PARP4: variants seen among roughly 807,000 people sequenced by gnomAD.
PARP4 encodes protein mono-ADP-ribosyltransferase PARP4.
Under a neutral mutation model 187.7 loss-of-function variants are expected in PARP4, and 120 were observed. The observed-to-expected ratio is 0.64, with a 90% CI of 0.55 to 0.74. The LOEUF is 0.74. Ranked by LOEUF, PARP4 falls within the 30% of genes least tolerant of loss-of-function variation. The pLI is 0.00. For missense variants in PARP4, 1,836 were observed against 2,070.5 expected (o/e 0.89, Z 2.20); for synonymous variants, 654 against 740.9 (o/e 0.88, Z 1.90).
chr13:24,456,297 T>G (rs776169411), intron 21 of PARP4, 44 bp downstream of exon 21: 1 of 1,488,932 alleles, frequency 6.7e-7, no homozygotes, highest in South Asian at 1.3e-5. Flanking sequence ...TTCTGAAACA[T>G]TTTTTCAATA....
At chr13:24,432,045 A>G (rs961695088) in intron 31 of PARP4, among the ~76,000 whole-genome samples, 2 of 152,086 alleles carry the variant, frequency 1.3e-5, no homozygotes, top group African/African-American at 4.8e-5. Context: ...TTTAAATGGT[A>G]CTTTTTTCCT....
chr13:24,457,770 C>CAAAAAAAAAA (rs33930012), intron 20 of PARP4, among the ~76,000 whole-genome samples: 17 of 85,664 alleles, frequency 2.0e-4, no homozygotes, highest in South Asian at 7.4e-4. Context: ...GACTCTGTCT[C>CAAAAAAAAAA]AAAAAAAAAA....
chr13:24,451,791 G>C (rs1871533455), intron 24 of PARP4, among the ~76,000 whole-genome samples: 1 of 152,202 alleles, frequency 6.6e-6, no homozygotes, highest in African/African-American at 2.4e-5. Context: ...ATACCTTAGT[G>C]CCATCCAAAA....
intron 3 of PARP4, 44 bp downstream of exon 3, chr13:24,501,589 T>C (rs1429670633): frequency 2.3e-6 from 3 of 1,326,664 alleles, no homozygotes; most frequent in Middle Eastern, 1.8e-4. Context: ...AAGCGTGTAC[T>C]ATGGCACCTA....
intron 17 of PARP4, among the ~76,000 whole-genome samples, chr13:24,464,048 T>C (rs958994073): frequency 5.3e-5 from 8 of 152,074 alleles, no homozygotes; most frequent in Non-Finnish European, 8.8e-5. Context: ...CCATTCACAA[T>C]TGCTACAAAG....
At chr13:24,443,617 T>C (rs753943446) in intron 28 of PARP4, 33 bp downstream of exon 28, 1 of 1,418,546 alleles carries the variant, frequency 7.0e-7, no homozygotes, top group Non-Finnish European at 1.0e-6. Flanking sequence ...TCAAGAAGAA[T>C]GTCTAATCAT....
intron 1 of PARP4, among the ~76,000 whole-genome samples, chr13:24,508,287 T>C (rs558584064): frequency 6.6e-6 from 1 of 152,362 alleles, no homozygotes; most frequent in African/African-American, 2.4e-5. Flanking sequence ...TTGGCTGACA[T>C]GGAGTGGCTG....
At position 24,475,506 on chromosome 13, in the gene PARP4, T is replaced by C; in HGVS notation, c.1880A>G (p.His627Arg). 1 of 1,614,116 alleles carries C rather than the reference T, an allele frequency of 6.2e-7. No individual in the cohort carries two copies. The highest frequency in any genetic ancestry group is 1.1e-5 in the South Asian group (1 of 91,084). ...AGTGTCTATGATTCTCCCTTTGATG[T>C]GGACATCCTCCAGAGGAACCAAGTT... ...SGNLVPLEDV[H>R]IKGRIIDTVA... Residue 627 changes from histidine (H) to arginine (R), a missense_variant, in exon 15 of 34, where the codon CAC (histidine) becomes CGC (arginine). By Grantham distance (29) the His-to-Arg change is conservative. Coordinates refer to ENST00000381989, the MANE Select transcript of PARP4 (RefSeq NM_006437.4).
rs9581043 is a variant in PARP4, at chr13:24,449,798, C to T, written c.3034G>A (p.Val1012Ile). The T allele has an allele frequency of 0.12, 188,748 of 1,599,700 alleles. 12,926 individuals are homozygous for T. The highest frequency in any genetic ancestry group is 0.28 in the African/African-American group (20,525 of 74,414). Residue 1012 changes from valine (V) to isoleucine (I), a missense_variant, in exon 25 of 34, where the codon GTC (valine) becomes ATC (isoleucine). By Grantham distance (29) the Val-to-Ile change is conservative (BLOSUM62 3). Coordinates refer to ENST00000381989, the MANE Select transcript of PARP4 (RefSeq NM_006437.4). ...CGIGSTANRH[V>I]LRILSQCGAG... ...CCACACTGGGACAAAATCCTTAAGACGTGACGATTTGCTGTAGAACTGATC... is the reference window on the plus strand; with the variant it reads ...CCACACTGGGACAAAATCCTTAAGATGTGACGATTTGCTGTAGAACTGATC...
intron 20 of PARP4, among the ~76,000 whole-genome samples, chr13:24,458,833 A>G (rs1872029544): frequency 6.6e-6 from 1 of 152,202 alleles, no homozygotes; most frequent in African/African-American, 2.4e-5. Context: ...ATATTTAAAA[A>G]TTGGAGGCAA....
At chr13:24,464,397 A>G (rs7319182) in intron 17 of PARP4, among the ~76,000 whole-genome samples, 77,291 of 151,920 alleles carry the variant, frequency 0.51, 19,985 homozygotes, top group South Asian at 0.65. Flanking sequence ...ACTTCACACT[A>G]TACTACAAGG....
Position 24,435,007 on chromosome 13 carries a change from T to G in PARP4, c.4134A>C (p.Pro1378=), listed in dbSNP as rs542083149. 1 of 1,613,856 alleles carries G rather than the reference T, an allele frequency of 6.2e-7. No individual in the cohort carries two copies. Among genetic ancestry groups the G allele is most frequent in the East Asian group, 2.2e-5 (1 of 44,864 alleles). Reference sequence around the variant, plus strand: ...GTCCTGTGGGACAAGACGCCGACTGTGGGATCCAGTCAGCACAAGTGCCAG... The same window carrying G: ...GTCCTGTGGGACAAGACGCCGACTGGGGGATCCAGTCAGCACAAGTGCCAG... The part of the protein sequence containing the change: ...PVPGTCADWI[P]QSASCPTGPP... The change falls in exon 31 of 34, where the codon CCA becomes CCC. Residue 1378 remains proline (P), a synonymous_variant. Coordinates refer to ENST00000381989, the MANE Select transcript of PARP4 (RefSeq NM_006437.4).
rs771621653 is a variant in PARP4, at chr13:24,443,779, T to C, written c.3367-49A>G. 5.6e-6 allele frequency: 7 copies of C among 1,257,344 alleles called. No individual in the cohort carries two copies. In the Admixed American group the frequency reaches 6.9e-5, roughly 12 times the overall value. 77.9% of individuals were successfully genotyped at this position (1,257,344 alleles called of 1,614,324 possible). On this transcript the variant is annotated intron_variant, in intron 27 of 33. Transcript: ENST00000381989. Reference sequence around the variant, plus strand: ...AAAAATATTCACATGGCTTCTAATATAAGACTTGCAAAGAACATCATTTTA... The same window carrying C: ...AAAAATATTCACATGGCTTCTAATACAAGACTTGCAAAGAACATCATTTTA...
rs151303702 is a variant in PARP4, at chr13:24,442,345, T to C, written c.3543+245A>G. ...TAACCGAAAAGTACACATTAGCCAATTGTTAATAATAACATTAAAAATGAT... is the reference window on the plus strand; with the variant it reads ...TAACCGAAAAGTACACATTAGCCAACTGTTAATAATAACATTAAAAATGAT... On this transcript the variant is annotated intron_variant, in intron 29 of 33. Transcript: ENST00000381989. 4.7e-3 allele frequency among the ~76,000 whole-genome samples: 717 copies of C among 152,226 alleles called. 1 individual carries two copies. The highest frequency in any genetic ancestry group is 0.017 in the African/African-American group (692 of 41,426).
At chr13:24,456,063 C>A (rs1871828648) in intron 21 of PARP4, among the ~76,000 whole-genome samples, 1 of 152,092 alleles carries the variant, frequency 6.6e-6, no homozygotes, top group Non-Finnish European at 1.5e-5. Flanking sequence ...ATAGAGAATA[C>A]CCAATGTAAT....
intron 31 of PARP4, among the ~76,000 whole-genome samples, chr13:24,433,412 C>T (rs1422042720): frequency 6.6e-6 from 1 of 152,198 alleles, no homozygotes; most frequent in Non-Finnish European, 1.5e-5. Context: ...CTCCACTGGA[C>T]TTTGTCACCC....
chr13:24,431,540 T>C, intron 31 of PARP4, 64 bp from the exon 32 acceptor site: 2 of 1,041,672 alleles, frequency 1.9e-6, no homozygotes, highest in Non-Finnish European at 2.9e-6. Flanking sequence ...AGAAGTTACG[T>C]AGTGGGGGAA....
intron 30 of PARP4, among the ~76,000 whole-genome samples, chr13:24,438,407 AC>A (rs1870743245): frequency 6.6e-6 from 1 of 152,142 alleles, no homozygotes; most frequent in Non-Finnish European, 1.5e-5. Flanking sequence ...CTGGTTCCTA[AC>A]AGGCCAGGGA....
At chr13:24,453,068 G>A (rs1021130406) in intron 23 of PARP4, among the ~76,000 whole-genome samples, 5 of 152,074 alleles carry the variant, frequency 3.3e-5, no homozygotes, top group African/African-American at 1.2e-4. Context: ...CCAAGTGGCT[G>A]GGATTACAGG....
Sources: gnomAD v4.1 joint callset for allele counts (sites outside exome capture counted in the v4.1 genomes callset) on GRCh38, gnomAD v4.1.1 for gene constraint, MANE v1.5 for transcripts, NCBI Gene and HGNC (gene_info 2026-07-23, HGNC 2026-07-21) for gene names.